Variants in ZNF101 observed in about 807,000 individuals in gnomAD.
ZNF101 encodes zinc finger protein 101 (Y2).
In ZNF101, 34 loss-of-function variants were observed where a neutral mutation model predicts 42.6. That is an observed-to-expected ratio of 0.80 (90% CI 0.61 to 1.06). The LOEUF (loss-of-function observed/expected upper bound fraction) is 1.06, where lower values mean the gene tolerates loss of function less well. Among genes scored for constraint, ZNF101 ranks in the 50% least tolerant of loss-of-function variants. ZNF101 has a pLI of 0.00. For missense variants in ZNF101, 466 were observed against 530.9 expected, an observed-to-expected ratio of 0.88 and a Z score of 1.20; for synonymous variants, 158 against 183.9, an observed-to-expected ratio of 0.86 and a Z score of 1.14.
intron 1 of ZNF101, among the ~76,000 whole-genome samples, chr19:19,670,618 A>G (rs79088387): frequency 6.6e-6 from 1 of 151,866 alleles, no homozygotes; most frequent in Non-Finnish European, 1.5e-5. Flanking sequence ...TTAGCCGGGT[A>G]TGGTGGCGCA....
chr19:19,679,482 C>T lies in ZNF101; in HGVS notation c.493C>T (p.Arg165Ter), dbSNP rs753592126. 13 of 1,614,088 alleles carry T rather than the reference C, an allele frequency of 8.1e-6. No homozygotes were observed. Among genetic ancestry groups the T allele is most frequent in the East Asian group, 2.2e-5 (1 of 44,876 alleles). ...SGARRTVTPT[R>*]KRPYECKVCG... Reference sequence around the variant, plus strand: ...TGCACGGCGCACAGTAACACCAACTCGAAAGAGACCTTATGAATGCAAGGT... The same window carrying T: ...TGCACGGCGCACAGTAACACCAACTTGAAAGAGACCTTATGAATGCAAGGT... The change falls in exon 4 of 4, where the codon CGA becomes TGA. Residue 165 changes from arginine (R) to a stop codon, truncating the protein, a stop_gained. Coordinates refer to ENST00000592502, the MANE Select transcript of ZNF101 (RefSeq NM_033204.4). LOFTEE classifies it high-confidence loss of function.
chr19:19,679,411 G>T lies in ZNF101; in HGVS notation c.422G>T (p.Arg141Leu). 6.2e-7 allele frequency: 1 copy of T among 1,613,906 alleles called. No homozygotes were observed. Among genetic ancestry groups the T allele is most frequent in the Non-Finnish European group, 8.5e-7 (1 of 1,179,874 alleles). Residue 141 changes from arginine to leucine, a missense_variant, in exon 4 of 4, where the codon CGT becomes CTT. Physicochemically the swap from Arg to Leu is moderately radical, Grantham distance 102. Transcript: ENST00000592502. ...GGTGGGGAATGGAGAGAGACGCCCC[G>T]TAAACAGAAACAACATGGGAAAGCC... ...ECGGEWRETP[R>L]KQKQHGKASI...
intron 1 of ZNF101, chr19:19,677,306 C>T (rs1599452413): frequency 6.5e-6 from 1 of 152,706 alleles, no homozygotes; most frequent in South Asian, 2.1e-4. Flanking sequence ...GCCCTAGGCA[C>T]CACTTCTAGT....
At chr19:19,668,765 C>G, upstream of ZNF101, 2 of 585,680 alleles carry the variant, frequency 3.4e-6, no homozygotes, top group Non-Finnish European at 5.7e-6. Context: ...GTGCGGCAAA[C>G]TGTCCAATCA....
intron 2 of ZNF101, 50 bp downstream of exon 2, chr19:19,678,040 G>A (rs747349535): frequency 6.3e-7 from 1 of 1,587,958 alleles, no homozygotes; most frequent in South Asian, 1.1e-5. Context: ...AGTGTGTTTT[G>A]GTCACCAGTG....
rs750059835 is a variant in ZNF101, at chr19:19,668,907, G to A, written c.-57G>A. The A allele has an allele frequency of 9.0e-6, 14 of 1,551,214 alleles. No individual in the cohort carries two copies. Among genetic ancestry groups the A allele is most frequent in the Non-Finnish European group, 1.2e-5 (14 of 1,145,806 alleles). On this transcript the variant is annotated 5_prime_UTR_variant, in exon 1 of 4. Transcript: ENST00000592502. ...CGGATACGGCTGATTTTGTCGTGTG[G>A]GACCTGTTCTGGCTGCTCCAGCCCC...
intron 1 of ZNF101, among the ~76,000 whole-genome samples, chr19:19,671,108 A>G (rs73006705): frequency 0.14 from 21,851 of 152,236 alleles, 1,718 homozygotes; most frequent in Middle Eastern, 0.29. Flanking sequence ...CTCCATCTCA[A>G]AAAATACATA....
intron 1 of ZNF101, among the ~76,000 whole-genome samples, chr19:19,670,802 C>T (rs542901687): frequency 3.3e-5 from 5 of 151,388 alleles, no homozygotes; most frequent in East Asian, 2.0e-4. Context: ...TGAATACATT[C>T]CCACAAAAAA....
chr19:19,669,958 C>T (rs1487156622), intron 1 of ZNF101, among the ~76,000 whole-genome samples: 1 of 151,900 alleles, frequency 6.6e-6, no homozygotes, highest in African/African-American at 2.4e-5. Flanking sequence ...CTTCCCTAGG[C>T]GCGGCCACCT....
Position 19,668,873 on chromosome 19 carries a change from C to T in ZNF101, c.-91C>T, listed in dbSNP as rs958136687. 5 of 1,470,126 alleles carry T rather than the reference C, an allele frequency of 3.4e-6. No individual in the cohort carries two copies. Among genetic ancestry groups the T allele is most frequent in the Middle Eastern group, 1.8e-4 (1 of 5,652 alleles). The allele number at this position is 1,470,126 out of a possible 1,614,324, so 91.1% of individuals were successfully genotyped here. On this transcript the variant is annotated 5_prime_UTR_variant, in exon 1 of 4. Coordinates refer to ENST00000592502, the MANE Select transcript of ZNF101 (RefSeq NM_033204.4). ...CGGGTTTTAGTTCCTCGGGGAGCCCCTGGTGCCCCGGATACGGCTGATTTT... is the reference window on the plus strand; with the variant it reads ...CGGGTTTTAGTTCCTCGGGGAGCCCTTGGTGCCCCGGATACGGCTGATTTT...
intron 1 of ZNF101, among the ~76,000 whole-genome samples, chr19:19,671,204 G>T (rs1407351089): frequency 2.6e-5 from 4 of 152,192 alleles, no homozygotes; most frequent in African/African-American, 9.6e-5. Context: ...GCAGGTTGGG[G>T]AATTTGTGAT....
intron 1 of ZNF101, among the ~76,000 whole-genome samples, chr19:19,674,901 A>G (rs1315603620): frequency 6.6e-6 from 1 of 151,826 alleles, no homozygotes; most frequent in African/African-American, 2.4e-5. Flanking sequence ...GCTCACTGCA[A>G]CCTCTGCCTC....
rs780556257 is a variant in ZNF101, at chr19:19,679,616, C to T, written c.627C>T (p.Ser209=). ...CREIVRAFTV[S]SFFRKHGKMH... is the part of the protein sequence containing the mutation. ...AAATAGTGAGAGCCTTCACAGTTTC[C>T]AGTTTCTTTCGAAAACATGGAAAAA... Residue 209 remains serine, a synonymous_variant, in exon 4 of 4, where the codon TCC becomes TCT. Coordinates refer to ENST00000592502, the MANE Select transcript of ZNF101 (RefSeq NM_033204.4). The T allele has an allele frequency of 1.2e-6, 2 of 1,612,876 alleles. No homozygotes were observed. Among genetic ancestry groups the T allele is most frequent in the Non-Finnish European group, 1.7e-6 (2 of 1,179,302 alleles).
chr19:19,673,121 T>C (rs929370258), intron 1 of ZNF101, among the ~76,000 whole-genome samples: 2 of 151,888 alleles, frequency 1.3e-5, no homozygotes, highest in African/African-American at 4.8e-5. Context: ...ATTTTTTTTT[T>C]TGTATTCTTA....
At position 19,679,771 on chromosome 19, in the gene ZNF101, C is replaced by A. The variant is rs1345215650; in HGVS notation, c.782C>A (p.Ala261Asp). ...TACAAATGTAAACAATGTGGTAAAGCCTTCATTTCCGCAGGTTACCTTCGG... is the reference window on the plus strand; with the variant it reads ...TACAAATGTAAACAATGTGGTAAAGACTTCATTTCCGCAGGTTACCTTCGG... Reference protein sequence around the residue: ...KPYKCKQCGKAFISAGYLRTH... With the variant: ...KPYKCKQCGKDFISAGYLRTH... Residue 261 changes from alanine to aspartate, a missense_variant, in exon 4 of 4, where the codon GCC becomes GAC. Coordinates refer to ENST00000592502, the MANE Select transcript of ZNF101 (RefSeq NM_033204.4). 6.2e-7 allele frequency: 1 copy of A among 1,613,232 alleles called. No individual in the cohort carries two copies. Among genetic ancestry groups the A allele is most frequent in the South Asian group, 1.1e-5 (1 of 91,020 alleles).
At position 19,668,999 on chromosome 19, in the gene ZNF101, G is replaced by C. The variant is rs764041010; in HGVS notation, c.3+33G>C. On this transcript the variant is annotated intron_variant, in intron 1 of 3. Transcript: ENST00000592502. ...TGCGGAGCCGGGCGTCCGGAGACCT[G>C]AGGAGGAGCTGGTCGGAACCGGCAG... 8.3e-6 allele frequency: 13 copies of C among 1,575,192 alleles called. No homozygotes were observed. The South Asian group carries it at 1.5e-4, about 18-fold the overall frequency.
intron 1 of ZNF101, among the ~76,000 whole-genome samples, chr19:19,671,791 G>T (rs1255593872): frequency 6.6e-6 from 1 of 152,062 alleles, no homozygotes; most frequent in African/African-American, 2.4e-5. Context: ...GAGCCCCCGT[G>T]CCCGGCAGAT....
At position 19,677,576 on chromosome 19, in the gene ZNF101, A is replaced by G. The variant is rs141308493; in HGVS notation, c.4-288A>G. On this transcript the variant is annotated intron_variant, in intron 1 of 3. Transcript: ENST00000592502. ...GTGGGAGTTTGTTGTGACAGGTACT[A>G]GAGATTCACTCTGCAAAGAGCATTT... 4.5e-5 allele frequency: 13 copies of G among 291,444 alleles called. No individual in the cohort carries two copies. In the East Asian group the frequency reaches 1.2e-3, roughly 26 times the overall value. The allele number at this position is 291,444 out of a possible 1,614,324, so 18.1% of individuals were successfully genotyped here. A position where few individuals can be genotyped will look rare whatever the true frequency, so the allele number is the denominator to read the frequency against.
chr19:19,680,034 T>C lies in ZNF101; in HGVS notation c.1045T>C (p.Tyr349His). The part of the protein sequence containing the change: ...ECNKCGKTFN[Y>H]PSCFRRHKKT... ...TAATAAATGTGGTAAAACCTTCAATTATCCCAGTTGTTTTCGAAGACATAA... is the reference window on the plus strand; with the variant it reads ...TAATAAATGTGGTAAAACCTTCAATCATCCCAGTTGTTTTCGAAGACATAA... The change falls in exon 4 of 4, where the codon TAT (tyrosine) becomes CAT (histidine). Residue 349 changes from tyrosine (Y) to histidine (H), a missense_variant. Coordinates refer to ENST00000592502, the MANE Select transcript of ZNF101 (RefSeq NM_033204.4). 1 of 1,614,068 alleles carries C rather than the reference T, an allele frequency of 6.2e-7. No homozygotes were observed. The highest frequency in any genetic ancestry group is 8.5e-7 in the Non-Finnish European group (1 of 1,179,988).
Sources: allele counts gnomAD v4.1 joint callset (sites outside exome capture counted in the v4.1 genomes callset), GRCh38; gene constraint gnomAD v4.1.1; transcripts MANE v1.5; gene names NCBI Gene and HGNC (gene_info 2026-07-23, HGNC 2026-07-21).